Variants in PTPRD observed in about 807,000 individuals in gnomAD.
PTPRD encodes the protein protein tyrosine phosphatase receptor type D.
PTPRD carries 34 observed loss-of-function variants against 214.5 expected under a neutral mutation model. The observed-to-expected ratio is 0.16, with a 90% CI of 0.12 to 0.21. The LOEUF is 0.21. Ranked by LOEUF, PTPRD falls within the 10% of genes least tolerant of loss-of-function variation. PTPRD has a pLI of 1.00. For synonymous variants in PTPRD, 1,128 were observed against 845.7 expected, an observed-to-expected ratio of 1.33 and a Z score of -5.79; for missense variants, 2,545 against 2,398.7, an observed-to-expected ratio of 1.06 and a Z score of -1.27.
intron 12 of PTPRD, among the ~76,000 whole-genome samples, chr9:8,676,513 G>T (rs1565198988): frequency 6.6e-6 from 1 of 151,436 alleles, no homozygotes; most frequent in Non-Finnish European, 1.5e-5. Context: ...CTCCTGAGTA[G>T]CTGGGATTAC....
intron 10 of PTPRD, among the ~76,000 whole-genome samples, chr9:9,022,081 G>C (rs1343530760): frequency 1.3e-5 from 2 of 151,664 alleles, no homozygotes; most frequent in Admixed American, 1.3e-4. Context: ...CATGGCACAT[G>C]TATACCTATG....
chr9:10,314,805 G>C (rs1046865139), intron 3 of PTPRD, among the ~76,000 whole-genome samples: 2 of 151,920 alleles, frequency 1.3e-5, no homozygotes, highest in African/African-American at 4.8e-5. Context: ...GGTTGAGGCA[G>C]GATTAGAAGT....
chr9:10,065,065 C>G (rs1294094497), intron 3 of PTPRD, among the ~76,000 whole-genome samples: 1 of 151,362 alleles, frequency 6.6e-6, no homozygotes, highest in Non-Finnish European at 1.5e-5. Flanking sequence ...AGTAATTTGC[C>G]TTGCCTAGAT....
At chr9:10,534,411 T>C (rs1718076253) in intron 2 of PTPRD, among the ~76,000 whole-genome samples, 2 of 152,094 alleles carry the variant, frequency 1.3e-5, no homozygotes, top group Admixed American at 1.3e-4. Flanking sequence ...TATAATAGTG[T>C]GACCAAAGTT....
Position 8,780,591 on chromosome 9 carries a change from CTG to C in PTPRD, c.-103-46647_-103-46646del, listed in dbSNP as rs371563604. On this transcript the variant is annotated intron_variant, in intron 11 of 45. Coordinates refer to ENST00000381196, the MANE Select transcript of PTPRD (RefSeq NM_002839.4). ...CCAAGCCAAGGTGCTTTTATTCTCT[CTG>C]TGAGGTACCCGAAGCAACCCCAGAG... is the stretch of plus-strand genomic sequence containing the variant. Among the ~76,000 whole-genome samples the C allele has an allele frequency of 2.5e-4, 38 of 152,262 alleles. 1 individual carries two copies. The East Asian group carries it at 3.3e-3, about 13-fold the overall frequency.
intron 2 of PTPRD, among the ~76,000 whole-genome samples, chr9:10,400,131 C>A (rs749132780): frequency 6.6e-6 from 1 of 151,782 alleles, no homozygotes; most frequent in Non-Finnish European, 1.5e-5. Flanking sequence ...ACATTCAATT[C>A]TCGTCTCCTT....
intron 12 of PTPRD, among the ~76,000 whole-genome samples, chr9:8,681,873 G>C (rs754858027): frequency 2.6e-5 from 4 of 152,076 alleles, no homozygotes; most frequent in Non-Finnish European, 5.9e-5. Context: ...AATATCTACT[G>C]TTTTCATTAT....
At chr9:10,449,502 C>G (rs905922473) in intron 2 of PTPRD, among the ~76,000 whole-genome samples, 1 of 145,218 alleles carries the variant, frequency 6.9e-6, no homozygotes, top group Non-Finnish European at 1.5e-5. Flanking sequence ...GGCTGCCCAT[C>G]GTCTGGGATG....
chr9:10,099,569 T>A (rs1279726767), intron 3 of PTPRD, among the ~76,000 whole-genome samples: 1 of 151,828 alleles, frequency 6.6e-6, no homozygotes, highest in East Asian at 1.9e-4. Flanking sequence ...CTGACCATGC[T>A]ATCTAGAAAC....
At chr9:8,562,028 C>T (rs1449142960) in intron 14 of PTPRD, among the ~76,000 whole-genome samples, 1 of 152,006 alleles carries the variant, frequency 6.6e-6, no homozygotes, top group Non-Finnish European at 1.5e-5. Context: ...CTGGGAATAA[C>T]CTAATATCAA....
At chr9:10,370,516 T>G (rs2097589853) in intron 2 of PTPRD, among the ~76,000 whole-genome samples, 1 of 152,102 alleles carries the variant, frequency 6.6e-6, no homozygotes, top group East Asian at 1.9e-4. Flanking sequence ...ATGTTTGGCC[T>G]TGGGAAACAT....
At chr9:9,218,528 G>A (rs1019811555) in intron 9 of PTPRD, among the ~76,000 whole-genome samples, 1 of 152,116 alleles carries the variant, frequency 6.6e-6, no homozygotes, top group Non-Finnish European at 1.5e-5. Context: ...TTTAGGTACA[G>A]AAAGGACACT....
chr9:8,929,011 T>C (rs1359393229), intron 11 of PTPRD, among the ~76,000 whole-genome samples: 1 of 152,208 alleles, frequency 6.6e-6, no homozygotes, highest in Non-Finnish European at 1.5e-5. Flanking sequence ...TGTATAGGAA[T>C]GCCTGTGATT....
At chr9:9,717,684 C>T (rs2097858196) in intron 7 of PTPRD, among the ~76,000 whole-genome samples, 1 of 152,128 alleles carries the variant, frequency 6.6e-6, no homozygotes, top group African/African-American at 2.4e-5. Context: ...AACTTAGCTC[C>T]ACAAGTCTTT....
At chr9:9,972,314 G>C (rs1008212847) in intron 4 of PTPRD, among the ~76,000 whole-genome samples, 2 of 152,012 alleles carry the variant, frequency 1.3e-5, no homozygotes, top group African/African-American at 2.4e-5. Flanking sequence ...CCCTATTTTT[G>C]CTCTTCTCAA....
intron 3 of PTPRD, among the ~76,000 whole-genome samples, chr9:10,309,792 CAA>C (rs1042905033): frequency 6.6e-6 from 1 of 151,748 alleles, no homozygotes; most frequent in East Asian, 1.9e-4. Context: ...TCAATTTAAA[CAA>C]AAAAATTAGA....
rs924990333 is a variant in PTPRD, at chr9:8,485,960, T to G, written c.2857A>C (p.Lys953Gln). The G allele has an allele frequency of 1.9e-6, 3 of 1,614,040 alleles. No homozygotes were observed. The African/African-American group carries it at 4.0e-5, about 22-fold the overall frequency. Reference protein sequence around the residue: ...VLAERNGIITKYTLLYRDINI... With the variant: ...VLAERNGIITQYTLLYRDINI... ...ATATCCCTATAAAGAAGGGTATACT[T>G]GGTGATAATGCCATTTCTCTCTGCC... Residue 953 changes from lysine (K) to glutamine (Q), a missense_variant, in exon 28 of 46, where the codon AAG (lysine) becomes CAG (glutamine). Transcript: ENST00000381196.
intron 7 of PTPRD, among the ~76,000 whole-genome samples, chr9:9,575,063 TA>T (rs58035524): frequency 0.31 from 47,217 of 151,960 alleles, 7,614 homozygotes; most frequent in Non-Finnish European, 0.34. Flanking sequence ...AGCTGATGGA[TA>T]ACATTTGCAA....
At chr9:10,247,703 G>A (rs1376274026) in intron 3 of PTPRD, among the ~76,000 whole-genome samples, 3 of 152,070 alleles carry the variant, frequency 2.0e-5, no homozygotes, top group African/African-American at 2.4e-5. Context: ...ATGTTTATTT[G>A]CTTTTCATTT....
Sources: gnomAD v4.1 joint callset for allele counts (sites outside exome capture counted in the v4.1 genomes callset) on GRCh38, gnomAD v4.1.1 for gene constraint, MANE v1.5 for transcripts, NCBI Gene and HGNC (gene_info 2026-07-23, HGNC 2026-07-21) for gene names.